Variants in ANKRD11 observed in about 807,000 individuals in gnomAD.
ANKRD11 encodes the protein ankyrin repeat domain-containing protein 11.
ANKRD11 carries 17 observed loss-of-function variants against 195.7 expected under a neutral mutation model. The observed-to-expected ratio is 0.09, with a 90% CI of 0.06 to 0.13. The LOEUF is 0.13. ANKRD11 is among the 10% of genes least tolerant of loss of function. ANKRD11 has a pLI of 1.00. For missense variants in ANKRD11, 3,735 were observed against 3,566.1 expected (o/e 1.05, Z -1.21); for synonymous variants, 1,953 against 1,528.1 (o/e 1.28, Z -6.49).
At chr16:89,398,354 T>TGGG (rs2041548920) in intron 2 of ANKRD11, among the ~76,000 whole-genome samples, 1 of 88,476 alleles carries the variant, frequency 1.1e-5, no homozygotes, top group African/African-American at 4.1e-5. Context: ...CTCAGCACTC[T>TGGG]AGGAGGCTGA....
Position 89,282,693 on chromosome 16 carries a change from C to G in ANKRD11, c.3849G>C (p.Lys1283Asn). The G allele has an allele frequency of 6.2e-7, 1 of 1,614,172 alleles. No homozygotes were observed. Among genetic ancestry groups the G allele is most frequent in the Middle Eastern group, 1.7e-4 (1 of 6,058 alleles). ...SADAEKSLLE[K>N]LEEEALHEYR... Reference sequence around the variant, plus strand: ...ACTCATGGAGAGCCTCTTCTTCCAACTTTTCAAGCAGGCTTTTTTCCGCGT... The same window carrying G: ...ACTCATGGAGAGCCTCTTCTTCCAAGTTTTCAAGCAGGCTTTTTTCCGCGT... Residue 1283 changes from lysine to asparagine, a missense_variant, in exon 9 of 13, where the codon AAG becomes AAC. Lys to Asn is a moderately conservative substitution (Grantham distance 94, BLOSUM62 0). Coordinates refer to ENST00000301030, the MANE Select transcript of ANKRD11 (RefSeq NM_013275.6).
intron 2 of ANKRD11, among the ~76,000 whole-genome samples, chr16:89,369,194 T>G (rs533686192): frequency 1.4e-4 from 22 of 152,182 alleles, no homozygotes; most frequent in Middle Eastern, 3.4e-3. Context: ...CAAGAGAGAA[T>G]ATGAAACAAT....
chr16:89,309,353 A>T (rs2036482724), intron 3 of ANKRD11, among the ~76,000 whole-genome samples: 1 of 152,226 alleles, frequency 6.6e-6, no homozygotes, highest in Non-Finnish European at 1.5e-5. Context: ...TGGAGACAGA[A>T]GTCAGGGCAG....
At chr16:89,441,957 T>C (rs1291147911) in intron 1 of ANKRD11, among the ~76,000 whole-genome samples, 3 of 152,052 alleles carry the variant, frequency 2.0e-5, no homozygotes, top group Admixed American at 6.6e-5. Flanking sequence ...CCACCAGACC[T>C]CCGTTCAAAC....
chr16:89,393,975 C>T (rs2041315604), intron 2 of ANKRD11, among the ~76,000 whole-genome samples: 2 of 152,300 alleles, frequency 1.3e-5, no homozygotes, highest in South Asian at 4.2e-4. Context: ...GAAGCTCAAA[C>T]CACTAGGTGC....
chr16:89,484,850 G>C (rs555352790), intron 1 of ANKRD11, among the ~76,000 whole-genome samples: 46 of 152,236 alleles, frequency 3.0e-4, no homozygotes, highest in African/African-American at 1.1e-3. Flanking sequence ...GGTACACATT[G>C]GTTGCTTTAC....
chr16:89,288,315 G>T, intron 7 of ANKRD11: 1 of 750,356 alleles, frequency 1.3e-6, no homozygotes. Flanking sequence ...GATGGCACTT[G>T]CTGGGAAACC....
intron 2 of ANKRD11, among the ~76,000 whole-genome samples, chr16:89,358,343 T>C (rs1035092720): frequency 6.6e-6 from 1 of 152,228 alleles, no homozygotes; most frequent in African/African-American, 2.4e-5. Flanking sequence ...GTGAACATCA[T>C]CTACACAACA....
At position 89,424,034 on chromosome 16, in the gene ANKRD11, T is replaced by G. The variant is rs146050707; in HGVS notation, c.-144-5666A>C. On this transcript the variant is annotated intron_variant, in intron 1 of 12. Transcript: ENST00000301030. ...GACCTCCGGGAAGATTGTAACCCCA[T>G]AGTACTCGACCAGTGAGGAACTGGG... Among the ~76,000 whole-genome samples the G allele has an allele frequency of 7.9e-5, 12 of 152,058 alleles. No individual in the cohort carries two copies. The East Asian group carries it at 2.3e-3, about 30-fold the overall frequency.
chr16:89,268,656 A>T lies in ANKRD11; in HGVS notation c.7814T>A (p.Leu2605His). Residue 2605 changes from leucine to histidine, a missense_variant, in exon 13 of 13, where the codon CTC becomes CAC. Physicochemically the swap from Leu to His is moderately conservative, Grantham distance 99. Coordinates refer to ENST00000301030, the MANE Select transcript of ANKRD11 (RefSeq NM_013275.6). The stretch of plus-strand genomic sequence containing the variant: ...GGCCTCGTGCTGCTGCCGCATGAGG[A>T]GGCAAGTCTGCGGGACACACAGCGG... ...DDKYDRMKTC[L>H]LMRQQHEAAA... The T allele has an allele frequency of 6.3e-7, 1 of 1,582,380 alleles. No individual in the cohort carries two copies. Among genetic ancestry groups the T allele is most frequent in the Non-Finnish European group, 8.6e-7 (1 of 1,164,742 alleles).
At chr16:89,470,197 T>C (rs1378497028) in intron 1 of ANKRD11, among the ~76,000 whole-genome samples, 1 of 151,960 alleles carries the variant, frequency 6.6e-6, no homozygotes, top group Admixed American at 6.6e-5. Flanking sequence ...TGAGTCACCA[T>C]GCCTATAATG....
chr16:89,313,603 GT>G (rs1334180051), intron 3 of ANKRD11: 2 of 1,288,592 alleles, frequency 1.6e-6, no homozygotes, highest in South Asian at 1.2e-5. Context: ...AAAATATATT[GT>G]TTTTGATAAC....
chr16:89,315,682 C>T (rs2036912138), intron 3 of ANKRD11, among the ~76,000 whole-genome samples: 1 of 152,234 alleles, frequency 6.6e-6, no homozygotes, highest in South Asian at 2.1e-4. Flanking sequence ...GGAGCAGACA[C>T]TTGGATGCTG....
Position 89,307,941 on chromosome 16 carries a change from A to C in ANKRD11, c.88-2597T>G, listed in dbSNP as rs149302219. Reference sequence around the variant, plus strand: ...CTACCAAACATGTGAAGGTTCTACCAAACATGTGAAGAGGCCACCATCACC... The same window carrying C: ...CTACCAAACATGTGAAGGTTCTACCCAACATGTGAAGAGGCCACCATCACC... On this transcript the variant is annotated intron_variant, in intron 3 of 12. Coordinates refer to ENST00000301030, the MANE Select transcript of ANKRD11 (RefSeq NM_013275.6). Among the ~76,000 whole-genome samples, 11 of 151,156 alleles carry C rather than the reference A, an allele frequency of 7.3e-5. No homozygotes were observed. The East Asian group carries it at 1.5e-3, about 20-fold the overall frequency.
intron 2 of ANKRD11, among the ~76,000 whole-genome samples, chr16:89,351,049 A>G (rs1374640301): frequency 6.6e-6 from 1 of 152,214 alleles, no homozygotes; most frequent in Non-Finnish European, 1.5e-5. Context: ...CTCAGGATGC[A>G]TCCCCCGACC....
chr16:89,313,587 A>G (rs2036747744), intron 3 of ANKRD11: 1 of 1,289,024 alleles, frequency 7.8e-7, no homozygotes. Flanking sequence ...CTTTTGGAAA[A>G]ATCTAAAAAT....
rs147112494 is a variant in ANKRD11 at position 89,406,086 on chromosome 16, G to C, written c.-60+12198C>G. Among the ~76,000 whole-genome samples the C allele has an allele frequency of 4.7e-3, 697 of 149,150 alleles. 8 individuals are homozygous for C. Among genetic ancestry groups the C allele is most frequent in the African/African-American group, 0.017 (664 of 40,086 alleles). ...GATCGCATAACTGCACTCCAGCCTG[G>C]GTGACAAAGGGAGATTCCATCTCAA... On this transcript the variant is annotated intron_variant, in intron 2 of 12. Coordinates refer to ENST00000301030, the MANE Select transcript of ANKRD11 (RefSeq NM_013275.6).
intron 1 of ANKRD11, among the ~76,000 whole-genome samples, chr16:89,431,806 T>G (rs1202219534): frequency 6.6e-6 from 1 of 152,100 alleles, no homozygotes; most frequent in Non-Finnish European, 1.5e-5. Context: ...AGAGACAATG[T>G]TCCCACCTTA....
intron 2 of ANKRD11, among the ~76,000 whole-genome samples, chr16:89,390,222 G>T: frequency 8.3e-6 from 1 of 120,968 alleles, no homozygotes; most frequent in African/African-American, 3.1e-5. Flanking sequence ...GAGTGTGGCG[G>T]GGAGCACCGA....
Sources: gnomAD v4.1 joint callset for allele counts (sites outside exome capture counted in the v4.1 genomes callset) on GRCh38, gnomAD v4.1.1 for gene constraint, MANE v1.5 for transcripts, NCBI Gene and HGNC (gene_info 2026-07-23, HGNC 2026-07-21) for gene names.